Variants in KIF16B observed in about 807,000 individuals in gnomAD.
KIF16B encodes the protein kinesin-like protein KIF16B.
In KIF16B, 98 loss-of-function variants were observed where a neutral mutation model predicts 156.3. The observed-to-expected ratio is 0.63, with a 90% CI of 0.53 to 0.74. The LOEUF is 0.74. KIF16B is among the 30% of genes least tolerant of loss of function. The pLI is 0.00. For missense variants in KIF16B, 1,421 were observed against 1,606.5 expected, an observed-to-expected ratio of 0.88 and a Z score of 1.97; for synonymous variants, 564 against 583.7, an observed-to-expected ratio of 0.97 and a Z score of 0.49.
intron 7 of KIF16B, among the ~76,000 whole-genome samples, chr20:16,507,250 C>G (rs2068811348): frequency 6.6e-6 from 1 of 152,084 alleles, no homozygotes; most frequent in African/African-American, 2.4e-5. Context: ...TCTGACTGGC[C>G]TTAGAAAACT....
intron 12 of KIF16B, among the ~76,000 whole-genome samples, chr20:16,453,132 T>C (rs1398627553): frequency 6.6e-6 from 1 of 150,862 alleles, no homozygotes; most frequent in Non-Finnish European, 1.5e-5. Context: ...TACTCAGGTT[T>C]AGTGGTATGC....
intron 12 of KIF16B, among the ~76,000 whole-genome samples, chr20:16,437,993 A>T (rs8118338): frequency 0.11 from 16,314 of 150,904 alleles, 1,109 homozygotes; most frequent in Non-Finnish European, 0.16. Context: ...AAATAATAAA[A>T]AAAAAAAAAC....
rs372025696 is a variant in KIF16B at position 16,504,351 on chromosome 20, T to C, written c.1176+21A>G. 27 of 1,610,924 alleles carry C rather than the reference T, an allele frequency of 1.7e-5. No individual in the cohort carries two copies. In the African/African-American group the frequency reaches 2.7e-4, roughly 16 times the overall value. ...GCCATTACTCAAAGAAAATTATCCA[T>C]AAATCTCAGAAAAACCCAACCTGAT... is the stretch of plus-strand genomic sequence containing the variant. On this transcript the variant is annotated intron_variant, in intron 10 of 25. Transcript: ENST00000354981.
intron 2 of KIF16B, among the ~76,000 whole-genome samples, chr20:16,527,275 A>G (rs1002131353): frequency 2.0e-5 from 3 of 152,224 alleles, no homozygotes; most frequent in African/African-American, 7.2e-5. Context: ...CAGGCAAAGG[A>G]CACCAGCGCC....
chr20:16,475,965 T>C (rs1476111175), intron 12 of KIF16B, among the ~76,000 whole-genome samples: 1 of 152,242 alleles, frequency 6.6e-6, no homozygotes, highest in Non-Finnish European at 1.5e-5. Flanking sequence ...ACATTCCAGC[T>C]GAATGATTAC....
chr20:16,539,586 T>A (rs759412703), intron 1 of KIF16B, among the ~76,000 whole-genome samples: 1 of 152,144 alleles, frequency 6.6e-6, no homozygotes, highest in African/African-American at 2.4e-5. Context: ...TTCCATGTGA[T>A]GTGCCTGCTC....
At chr20:16,299,349 T>C (rs1235359659) in intron 25 of KIF16B, among the ~76,000 whole-genome samples, 1 of 152,160 alleles carries the variant, frequency 6.6e-6, no homozygotes, top group African/African-American at 2.4e-5. Flanking sequence ...TTCTACATAT[T>C]GTCATAAAAT....
intron 25 of KIF16B, among the ~76,000 whole-genome samples, chr20:16,278,665 CCAAAA>C (rs2063099819): frequency 6.6e-6 from 1 of 152,136 alleles, no homozygotes; most frequent in Admixed American, 6.5e-5. Flanking sequence ...TAAAATCTCC[CCAAAA>C]CAAACAAACA....
At chr20:16,423,257 C>T (rs1203987965) in intron 15 of KIF16B, among the ~76,000 whole-genome samples, 2 of 151,966 alleles carry the variant, frequency 1.3e-5, no homozygotes, top group African/African-American at 2.4e-5. Flanking sequence ...TAATTAATCA[C>T]AAGGAAAATA....
At chr20:16,316,903 A>G (rs1307493524) in intron 24 of KIF16B, among the ~76,000 whole-genome samples, 1 of 152,196 alleles carries the variant, frequency 6.6e-6, no homozygotes, top group Non-Finnish European at 1.5e-5. Flanking sequence ...GACCAAAGAA[A>G]ACAACCGAAC....
At chr20:16,452,935 G>A (rs1386306643) in intron 12 of KIF16B, among the ~76,000 whole-genome samples, 2 of 151,914 alleles carry the variant, frequency 1.3e-5, no homozygotes. Context: ...AAAACAGTAA[G>A]TAAAGATCAA....
rs541114101 is a variant in KIF16B, at chr20:16,546,871, G to A, written c.48-18431C>T. Among the ~76,000 whole-genome samples, 85 of 152,176 alleles carry A rather than the reference G, an allele frequency of 5.6e-4. 2 individuals are homozygous for A. Among genetic ancestry groups the A allele is most frequent in the African/African-American group, 2.0e-3 (84 of 41,510 alleles). ...GACTCACTGCAACTTCTGCCTGCCA[G>A]GTTCAAGCGATTCTCCTGACTCAGC... On this transcript the variant is annotated intron_variant, in intron 1 of 25. Transcript: ENST00000354981.
chr20:16,312,292 C>T (rs762220980), intron 25 of KIF16B, 43 bp downstream of exon 25: 4 of 1,397,486 alleles, frequency 2.9e-6, no homozygotes, highest in Non-Finnish European at 3.0e-6. Context: ...TCAGATGGTA[C>T]ATTTTCTACA....
chr20:16,381,080 G>C (rs1466035472), intron 18 of KIF16B, among the ~76,000 whole-genome samples: 2 of 152,136 alleles, frequency 1.3e-5, no homozygotes, highest in African/African-American at 2.4e-5. Flanking sequence ...GTCTTGGCTG[G>C]TTAAATAGGA....
chr20:16,314,325 G>T (rs2063665159), intron 24 of KIF16B, among the ~76,000 whole-genome samples: 1 of 152,188 alleles, frequency 6.6e-6, no homozygotes. Context: ...TCTTAAAGGT[G>T]TCTTTGATGA....
In KIF16B at chr20:16,504,623, A is replaced by G. The variant is rs2068722267; in HGVS notation, c.1001-76T>C. The G allele has an allele frequency of 3.0e-6, 4 of 1,337,958 alleles. No individual in the cohort carries two copies. The African/African-American group carries it at 4.3e-5, about 14-fold the overall frequency. The allele number at this position is 1,337,958 out of a possible 1,614,324, so 82.9% of individuals were successfully genotyped here. A position where few individuals can be genotyped will look rare whatever the true frequency, so the allele number is the denominator to read the frequency against. ...TTAACACAAAGTTGGTTTGTAATTT[A>G]AAAGTCAGATTAACCCCAGGTCATT... On this transcript the variant is annotated intron_variant, in intron 9 of 25. Transcript: ENST00000354981.
chr20:16,512,303 A>G (rs932192614), intron 5 of KIF16B, among the ~76,000 whole-genome samples: 6 of 152,204 alleles, frequency 3.9e-5, no homozygotes, highest in Admixed American at 2.6e-4. Context: ...TGTGATTCAA[A>G]TAACTTGTCC....
chr20:16,369,138 C>T (rs1224446411), intron 22 of KIF16B: 2 of 985,866 alleles, frequency 2.0e-6, no homozygotes, highest in South Asian at 9.4e-5. Flanking sequence ...AGACGCTCCA[C>T]AGCATGGGAT....
chr20:16,325,697 T>C (rs1160482201), intron 24 of KIF16B, among the ~76,000 whole-genome samples: 4 of 151,890 alleles, frequency 2.6e-5, no homozygotes, highest in Non-Finnish European at 5.9e-5. Flanking sequence ...GTAGAATCAA[T>C]ATTGTGAAAA....
Sources: gnomAD v4.1 joint callset for allele counts (sites outside exome capture counted in the v4.1 genomes callset) on GRCh38, gnomAD v4.1.1 for gene constraint, MANE v1.5 for transcripts, NCBI Gene and HGNC (gene_info 2026-07-23, HGNC 2026-07-21) for gene names.